Variants in THADA observed in about 807,000 individuals in gnomAD.
The protein encoded by THADA is THADA armadillo repeat containing, also known as tRNA (32-2'-O)-methyltransferase regulator THADA.
Under a neutral mutation model 219.8 loss-of-function variants are expected in THADA, and 213 were observed. That is an observed-to-expected ratio of 0.97 (90% CI 0.87 to 1.09). The LOEUF (loss-of-function observed/expected upper bound fraction) is 1.09. Ranked by LOEUF, THADA falls within the 50% of genes least tolerant of loss-of-function variation. THADA has a pLI of 0.00. For missense variants in THADA, 2,956 were observed against 2,311.3 expected (o/e 1.28, Z -5.72); for synonymous variants, 1,018 against 828.9 (o/e 1.23, Z -3.92).
chr2:43,261,717 C>T (rs1027597810), intron 36 of THADA, among the ~76,000 whole-genome samples: 10 of 150,572 alleles, frequency 6.6e-5, no homozygotes, highest in South Asian at 4.2e-4. Context: ...CTCACTGCAA[C>T]CTCCACTCCC....
At chr2:43,268,010 G>A (rs1402138114) in intron 36 of THADA, among the ~76,000 whole-genome samples, 2 of 152,180 alleles carry the variant, frequency 1.3e-5, no homozygotes, top group Non-Finnish European at 2.9e-5. Flanking sequence ...AAGCAGGAGA[G>A]GGGGAAAGGA....
Position 43,393,581 on chromosome 2 carries a change from G to A in THADA, c.4227+4390C>T, listed in dbSNP as rs191629842. 9.9e-5 allele frequency among the ~76,000 whole-genome samples: 15 copies of A among 152,014 alleles called. No homozygotes were observed. The East Asian group carries it at 1.7e-3, about 18-fold the overall frequency. ...AAATTGGCCAGCCGTGGTGGCAGGC[G>A]CCTGTAATCCAAGCTACTCGGGAGG... On this transcript the variant is annotated intron_variant, in intron 29 of 37. Transcript: ENST00000405975.
intron 31 of THADA, among the ~76,000 whole-genome samples, chr2:43,308,861 CTACAA>C (rs2104430097): frequency 7.0e-6 from 1 of 142,626 alleles, no homozygotes; most frequent in East Asian, 2.2e-4. Flanking sequence ...AAATGCAAAA[CTACAA>C]AACTTTAGAA....
At chr2:43,292,806 G>T in intron 32 of THADA, 28 bp downstream of exon 32, 1 of 1,596,436 alleles carries the variant, frequency 6.3e-7, no homozygotes, top group Non-Finnish European at 8.5e-7. Flanking sequence ...GGAGTGTAAA[G>T]GGCCAGTCAG....
In THADA at chr2:43,508,787, G is replaced by C. The variant is rs1261267915; in HGVS notation, c.3375-7C>G. 9.9e-6 allele frequency: 16 copies of C among 1,611,076 alleles called. No individual in the cohort carries two copies. Among genetic ancestry groups the C allele is most frequent in the African/African-American group, 1.3e-5 (1 of 74,782 alleles). Reference sequence around the variant, plus strand: ...CAGACTCACATTTGGGCACCTAAAAGGCATATATAATCAAATATTCGGAAT... The same window carrying C: ...CAGACTCACATTTGGGCACCTAAAACGCATATATAATCAAATATTCGGAAT... On this transcript the variant is annotated splice_region_variant and splice_polypyrimidine_tract_variant and intron_variant, in intron 22 of 37. Transcript: ENST00000405975.
intron 29 of THADA, among the ~76,000 whole-genome samples, chr2:43,370,413 C>T (rs893131649): frequency 6.6e-6 from 1 of 152,086 alleles, no homozygotes; most frequent in Non-Finnish European, 1.5e-5. Context: ...AGTGGCAGGC[C>T]GCTTTCGGGA....
chr2:43,420,482 T>A (rs553248596), intron 28 of THADA, among the ~76,000 whole-genome samples: 1 of 152,340 alleles, frequency 6.6e-6, no homozygotes, highest in Admixed American at 6.5e-5. Context: ...CCATAGATTA[T>A]CATCATTGTC....
intron 34 of THADA, among the ~76,000 whole-genome samples, chr2:43,290,242 G>A (rs1290848622): frequency 6.6e-6 from 1 of 151,598 alleles, no homozygotes; most frequent in Non-Finnish European, 1.5e-5. Context: ...AAAGTGCTGG[G>A]ATTACAGGTG....
chr2:43,425,331 G>A (rs1375697388), intron 28 of THADA, among the ~76,000 whole-genome samples: 1 of 152,074 alleles, frequency 6.6e-6, no homozygotes, highest in African/African-American at 2.4e-5. Context: ...TCTCTGCTCA[G>A]AACACTTTCT....
At chr2:43,250,754 C>A (rs1669730678) in intron 36 of THADA, among the ~76,000 whole-genome samples, 1 of 151,484 alleles carries the variant, frequency 6.6e-6, no homozygotes, top group Non-Finnish European at 1.5e-5. Context: ...AATAAAAGGA[C>A]CCTCATGGGG....
intron 29 of THADA, among the ~76,000 whole-genome samples, chr2:43,395,791 G>T (rs917520870): frequency 6.6e-6 from 1 of 152,148 alleles, no homozygotes; most frequent in East Asian, 1.9e-4. Flanking sequence ...TCACTCTGCT[G>T]CCCAGGCTGG....
intron 25 of THADA, among the ~76,000 whole-genome samples, chr2:43,485,816 G>A (rs1573890432): frequency 6.6e-6 from 1 of 151,944 alleles, no homozygotes; most frequent in East Asian, 1.9e-4. Context: ...GACTGCTTGA[G>A]GCCAGGAGTT....
At chr2:43,274,998 CTT>C (rs1002469067) in intron 36 of THADA, among the ~76,000 whole-genome samples, 3 of 66,274 alleles carry the variant, frequency 4.5e-5, no homozygotes, top group Non-Finnish European at 3.4e-5. Context: ...CTTTTCTTTT[CTT>C]TTTTTTTTTT....
At chr2:43,539,893 G>A (rs1695085703) in intron 21 of THADA, among the ~76,000 whole-genome samples, 1 of 151,934 alleles carries the variant, frequency 6.6e-6, no homozygotes, top group African/African-American at 2.4e-5. Flanking sequence ...AGATTTGGGT[G>A]CTATGTGAAA....
chr2:43,234,953 A>G (rs1259495497), intron 36 of THADA, among the ~76,000 whole-genome samples: 1 of 150,588 alleles, frequency 6.6e-6, no homozygotes, highest in Non-Finnish European at 1.5e-5. Flanking sequence ...GATTACAGGT[A>G]TGAGCCGCTG....
chr2:43,480,335 A>G (rs1407433698), intron 26 of THADA, among the ~76,000 whole-genome samples: 1 of 152,184 alleles, frequency 6.6e-6, no homozygotes, highest in Admixed American at 6.5e-5. Flanking sequence ...CTGTCCTTCT[A>G]CACAACTGAA....
intron 23 of THADA, among the ~76,000 whole-genome samples, chr2:43,506,950 A>G (rs1287749698): frequency 6.6e-6 from 1 of 152,220 alleles, no homozygotes; most frequent in African/African-American, 2.4e-5. Flanking sequence ...TTAGGCTCAG[A>G]TAACATATAT....
Position 43,391,406 on chromosome 2 carries a change from C to T in THADA, c.4227+6565G>A, listed in dbSNP as rs144967713. On this transcript the variant is annotated intron_variant, in intron 29 of 37. Coordinates refer to ENST00000405975, the MANE Select transcript of THADA (RefSeq NM_022065.5). ...CAGTCAATGCTCCAGAACCTGGCAG[C>T]TAAAAGCTGTCTCCAACACCCAGCA... 2.6e-3 allele frequency among the ~76,000 whole-genome samples: 396 copies of T among 152,274 alleles called. 3 individuals carry two copies. The highest frequency in any genetic ancestry group is 9.3e-3 in the African/African-American group (388 of 41,554).
chr2:43,442,559 G>A (rs1370416492), intron 26 of THADA, among the ~76,000 whole-genome samples: 3 of 152,232 alleles, frequency 2.0e-5, no homozygotes, highest in Non-Finnish European at 4.4e-5. Context: ...TGGATGACAA[G>A]AGGACTTCAT....
Sources: allele counts gnomAD v4.1 joint callset (sites outside exome capture counted in the v4.1 genomes callset), GRCh38; gene constraint gnomAD v4.1.1; transcripts MANE v1.5; gene names NCBI Gene and HGNC (gene_info 2026-07-23, HGNC 2026-07-21).